Variants in CTNND2 observed in about 807,000 individuals in gnomAD.
CTNND2 encodes the protein catenin delta 2, also known as catenin delta-2.
In CTNND2, 22 loss-of-function variants were observed where a neutral mutation model predicts 144.4. That is an observed-to-expected ratio of 0.15 (90% CI 0.11 to 0.22). The LOEUF is 0.22. CTNND2 is among the 10% of genes least tolerant of loss of function. The pLI, the probability that CTNND2 is intolerant of heterozygous loss-of-function variation, is 1.00. For missense variants in CTNND2, 1,353 were observed against 1,618.8 expected (o/e 0.84, Z 2.82); for synonymous variants, 751 against 695.6 (o/e 1.08, Z -1.25).
At chr5:11,445,120 A>T (rs985334117) in intron 3 of CTNND2, among the ~76,000 whole-genome samples, 3 of 152,268 alleles carry the variant, frequency 2.0e-5, no homozygotes, top group East Asian at 3.9e-4. Flanking sequence ...TGGCAGGACC[A>T]TGCTCTTTCT....
intron 1 of CTNND2, among the ~76,000 whole-genome samples, chr5:11,888,499 C>T (rs1296496318): frequency 6.6e-6 from 1 of 152,156 alleles, no homozygotes. Flanking sequence ...TATTTGAAAA[C>T]ACAAGAGAAT....
intron 11 of CTNND2, among the ~76,000 whole-genome samples, chr5:11,160,974 C>T (rs866256171): frequency 3.9e-5 from 6 of 152,120 alleles, no homozygotes; most frequent in Non-Finnish European, 7.4e-5. Context: ...AATGTGACTA[C>T]AGAGGCAAAC....
At chr5:11,165,451 A>T (rs558703550) in intron 11 of CTNND2, among the ~76,000 whole-genome samples, 1 of 152,334 alleles carries the variant, frequency 6.6e-6, no homozygotes, top group African/African-American at 2.4e-5. Flanking sequence ...TCTGAGGATA[A>T]CATGAAAAAT....
chr5:11,767,262 G>A (rs1307572146), intron 1 of CTNND2, among the ~76,000 whole-genome samples: 1 of 152,204 alleles, frequency 6.6e-6, no homozygotes, highest in South Asian at 2.1e-4. Flanking sequence ...AATCCCATCA[G>A]TGCTTCAATA....
chr5:10,981,654 A>AC (rs1737278219), intron 21 of CTNND2, 119 bp downstream of exon 21: 1 of 905,966 alleles, frequency 1.1e-6, no homozygotes, highest in African/African-American at 1.7e-5. Context: ...GCCTCAGGGG[A>AC]CGTTGCCTTC....
chr5:11,366,817 A>G (rs1175653621), intron 7 of CTNND2, among the ~76,000 whole-genome samples: 3 of 152,174 alleles, frequency 2.0e-5, no homozygotes, highest in Non-Finnish European at 1.5e-5. Context: ...GACCAATGAG[A>G]GGATCTGCTG....
At chr5:11,820,809 A>T (rs1051885972) in intron 1 of CTNND2, among the ~76,000 whole-genome samples, 3 of 152,234 alleles carry the variant, frequency 2.0e-5, no homozygotes, top group African/African-American at 7.2e-5. Flanking sequence ...TGGGTTTTAA[A>T]AGGTGCTTGT....
chr5:11,380,501 C>G (rs1405753577), intron 7 of CTNND2, among the ~76,000 whole-genome samples: 6 of 152,186 alleles, frequency 3.9e-5, no homozygotes, highest in Non-Finnish European at 8.8e-5. Flanking sequence ...GCCTACCAGC[C>G]TTAAGGAGCT....
intron 8 of CTNND2, among the ~76,000 whole-genome samples, chr5:11,352,665 T>C (rs1045812910): frequency 5.9e-5 from 9 of 152,194 alleles, no homozygotes; most frequent in African/African-American, 2.2e-4. Flanking sequence ...AATAGCATTG[T>C]AATGAGCAGA....
chr5:11,716,428 A>C (rs1249060613), intron 2 of CTNND2, among the ~76,000 whole-genome samples: 1 of 152,220 alleles, frequency 6.6e-6, no homozygotes, highest in South Asian at 2.1e-4. Flanking sequence ...TACCATGAAT[A>C]AGAGAGATTA....
intron 1 of CTNND2, among the ~76,000 whole-genome samples, chr5:11,888,748 C>CT (rs566356140): frequency 0.2 from 27,527 of 134,648 alleles, 3,008 homozygotes; most frequent in Admixed American, 0.27. Context: ...CAGAATGACT[C>CT]TTTTTTTTTT....
chr5:11,218,399 T>C (rs1050668690), intron 10 of CTNND2, among the ~76,000 whole-genome samples: 8 of 152,162 alleles, frequency 5.3e-5, no homozygotes, highest in Non-Finnish European at 8.8e-5. Flanking sequence ...ACCAGTAAAG[T>C]TGCATATCAG....
intron 11 of CTNND2, among the ~76,000 whole-genome samples, chr5:11,175,227 A>T: frequency 6.6e-6 from 1 of 152,128 alleles, no homozygotes; most frequent in East Asian, 1.9e-4. Context: ...GTTCAGAAAA[A>T]GTGCATGTTT....
intron 7 of CTNND2, among the ~76,000 whole-genome samples, chr5:11,381,622 C>T (rs1380580692): frequency 6.6e-6 from 1 of 152,198 alleles, no homozygotes; most frequent in Non-Finnish European, 1.5e-5. Flanking sequence ...TCAAAGTTAC[C>T]TTCTGTATAA....
intron 2 of CTNND2, among the ~76,000 whole-genome samples, chr5:11,585,879 G>T (rs564468147): frequency 6.6e-6 from 1 of 152,244 alleles, no homozygotes; most frequent in East Asian, 1.9e-4. Flanking sequence ...GGTGCTTCAT[G>T]CAAAGTCAAC....
rs147642714 is a variant in CTNND2 at position 11,557,528 on chromosome 5, G to A, written c.287+7416C>T. On this transcript the variant is annotated intron_variant, in intron 3 of 21. Transcript: ENST00000304623. ...CAAAGCCCCTCCGTCTTCAAAGCCA[G>A]CACCAGATAATTTATCTTGTGTCAA... Among the ~76,000 whole-genome samples the A allele has an allele frequency of 5.3e-5, 8 of 152,214 alleles. No homozygotes were observed. In the East Asian group the frequency reaches 1.5e-3, roughly 29 times the overall value.
At chr5:11,638,786 C>G (rs775411533) in intron 2 of CTNND2, among the ~76,000 whole-genome samples, 1 of 152,130 alleles carries the variant, frequency 6.6e-6, no homozygotes, top group Admixed American at 6.6e-5. Flanking sequence ...GTTGACCAGG[C>G]TGGTCTCAAA....
intron 10 of CTNND2, among the ~76,000 whole-genome samples, chr5:11,234,283 A>C (rs1451293859): frequency 1.3e-5 from 2 of 152,204 alleles, no homozygotes; most frequent in African/African-American, 4.8e-5. Flanking sequence ...ACATAAAATA[A>C]AACAATAACT....
At chr5:11,437,372 G>C (rs1274875475) in intron 3 of CTNND2, among the ~76,000 whole-genome samples, 1 of 152,198 alleles carries the variant, frequency 6.6e-6, no homozygotes, top group Admixed American at 6.5e-5. Flanking sequence ...CACGGTGCCA[G>C]GAATTGGAGG....
Sources: allele counts gnomAD v4.1 joint callset (sites outside exome capture counted in the v4.1 genomes callset), GRCh38; gene constraint gnomAD v4.1.1; transcripts MANE v1.5; gene names NCBI Gene and HGNC (gene_info 2026-07-23, HGNC 2026-07-21).